Variants in COL11A1 observed in about 807,000 individuals in gnomAD.
COL11A1 encodes collagen alpha-1(XI) chain.
COL11A1 carries 74 observed loss-of-function variants against 265.2 expected under a neutral mutation model. The observed-to-expected ratio is 0.28, with a 90% CI of 0.23 to 0.34. COL11A1 has a LOEUF of 0.34. COL11A1 is among the 10% of genes least tolerant of loss of function. The probability of loss-of-function intolerance (pLI) is 1.00; values close to 1 mark genes in which losing one functional copy is unlikely to be tolerated. For missense variants in COL11A1, 2,165 were observed against 2,263.6 expected (o/e 0.96, Z 0.88); for synonymous variants, 816 against 727.6 (o/e 1.12, Z -1.96).
intron 4 of COL11A1, among the ~76,000 whole-genome samples, chr1:103,034,292 G>T (rs1319510878): frequency 6.6e-6 from 1 of 151,888 alleles, no homozygotes; most frequent in Non-Finnish European, 1.5e-5. Context: ...TATGTTTTCT[G>T]CCCTTACTTT....
chr1:102,884,504 G>C (rs895707629), intron 63 of COL11A1: 1 of 152,172 alleles, frequency 6.6e-6, no homozygotes, highest in African/African-American at 2.4e-5. Context: ...TTCTTTATAC[G>C]ATCTCAGGAG....
chr1:102,942,444 C>T (rs903893354), intron 42 of COL11A1, among the ~76,000 whole-genome samples: 1 of 152,150 alleles, frequency 6.6e-6, no homozygotes, highest in Non-Finnish European at 1.5e-5. Flanking sequence ...TATAATTCCT[C>T]AAGATGACAT....
chr1:103,073,892 C>CAATTATTGTAATATATTACA (rs1671771568), intron 4 of COL11A1, among the ~76,000 whole-genome samples: 1 of 152,028 alleles, frequency 6.6e-6, no homozygotes, highest in Non-Finnish European at 1.5e-5. Context: ...TAATATATTA[C>CAATTATTGTAATATATTACA]ACAGCTTTAC....
chr1:102,892,697 T>A (rs189271506), intron 57 of COL11A1, among the ~76,000 whole-genome samples: 1 of 152,302 alleles, frequency 6.6e-6, no homozygotes, highest in East Asian at 1.9e-4. Context: ...TAATATAAAT[T>A]AGCCCTTGTG....
chr1:102,886,377 A>C (rs1650979968), intron 63 of COL11A1, among the ~76,000 whole-genome samples: 1 of 152,208 alleles, frequency 6.6e-6, no homozygotes, highest in African/African-American at 2.4e-5. Flanking sequence ...AAACTGATAG[A>C]TCAAATATAC....
chr1:102,883,330 T>G lies in COL11A1; in HGVS notation c.4859-19A>C, dbSNP rs146179957. On this transcript the variant is annotated intron_variant, in intron 63 of 66. Coordinates refer to ENST00000370096, the MANE Select transcript of COL11A1 (RefSeq NM_001854.4). ...TATTCACCTAGAAGGTAGCAAAAAA[T>G]ATGTCATATAAAAATTCATTGACAT... 6.8e-7 allele frequency: 1 copy of G among 1,471,278 alleles called. No homozygotes were observed. The highest frequency in any genetic ancestry group is 1.1e-5 in the South Asian group (1 of 88,240). The allele number at this position is 1,471,278 out of a possible 1,614,324, so 91.1% of individuals were successfully genotyped here. A position where few individuals can be genotyped will look rare whatever the true frequency, so the allele number is the denominator to read the frequency against.
rs766178130 is a variant in COL11A1, at chr1:103,031,256, A to G, written c.652-12T>C. 4 of 1,600,870 alleles carry G rather than the reference A, an allele frequency of 2.5e-6. No individual in the cohort carries two copies. The highest frequency in any genetic ancestry group is 3.4e-6 in the Non-Finnish European group (4 of 1,178,044). On this transcript the variant is annotated splice_polypyrimidine_tract_variant and intron_variant, in intron 4 of 66. Transcript: ENST00000370096. ...TGCTGAATGTCCCCCTGGGAAAAAA[A>G]AAAAAACAAAAACAAACAGACACAG...
intron 50 of COL11A1, 75 bp downstream of exon 50, chr1:102,915,556 G>A: frequency 3.2e-6 from 4 of 1,255,978 alleles, no homozygotes; most frequent in Admixed American, 1.7e-5. Flanking sequence ...GCTAAGAGTT[G>A]TTACATGTTT....
intron 41 of COL11A1, among the ~76,000 whole-genome samples, chr1:102,953,080 A>G (rs1370283648): frequency 6.6e-6 from 1 of 152,186 alleles, no homozygotes; most frequent in African/African-American, 2.4e-5. Context: ...GTTTGCATAA[A>G]GAGTAGGCAT....
At chr1:103,089,159 A>C (rs1233497320) in intron 1 of COL11A1, among the ~76,000 whole-genome samples, 4 of 152,140 alleles carry the variant, frequency 2.6e-5, no homozygotes. Flanking sequence ...CCTGGAACCC[A>C]CCCCAGAACT....
chr1:103,074,877 A>G, intron 3 of COL11A1, 97 bp from the exon 4 acceptor site: 1 of 1,378,452 alleles, frequency 7.3e-7, no homozygotes, highest in East Asian at 2.4e-5. Context: ...AATTATAAAA[A>G]TGAGCTAAAA....
At chr1:102,961,743 G>A (rs1660926820) in intron 41 of COL11A1, 123 bp downstream of exon 41, 1 of 854,524 alleles carries the variant, frequency 1.2e-6, no homozygotes, top group East Asian at 2.6e-5. Flanking sequence ...GGCATTGACT[G>A]ATTTGATTGA....
At chr1:103,043,422 A>G (rs942917828) in intron 4 of COL11A1, among the ~76,000 whole-genome samples, 4 of 151,936 alleles carry the variant, frequency 2.6e-5, no homozygotes, top group Non-Finnish European at 5.9e-5. Context: ...ATTTTGTTCA[A>G]TTAAATTCAC....
intron 42 of COL11A1, among the ~76,000 whole-genome samples, chr1:102,942,443 T>C (rs2622865): frequency 0.56 from 84,597 of 151,924 alleles, 24,114 homozygotes; most frequent in East Asian, 0.86. Flanking sequence ...TTATAATTCC[T>C]CAAGATGACA....
intron 3 of COL11A1, 88 bp from the exon 4 acceptor site, chr1:103,074,868 A>C (rs1388003659): frequency 3.5e-6 from 5 of 1,443,508 alleles, no homozygotes; most frequent in Non-Finnish European, 4.8e-6. Context: ...TGTATTTTAA[A>C]TTATAAAAAT....
chr1:102,921,012 T>G (rs1655930307), intron 48 of COL11A1, among the ~76,000 whole-genome samples: 1 of 152,174 alleles, frequency 6.6e-6, no homozygotes, highest in Non-Finnish European at 1.5e-5. Flanking sequence ...TTTCAAAATC[T>G]TATAACATTA....
intron 4 of COL11A1, among the ~76,000 whole-genome samples, chr1:103,062,727 C>T (rs755778892): frequency 2.6e-5 from 4 of 151,908 alleles, no homozygotes; most frequent in Non-Finnish European, 4.4e-5. Context: ...TGCATTTCTA[C>T]ATCATACTGG....
At chr1:102,959,435 T>C (rs1307733026) in intron 41 of COL11A1, among the ~76,000 whole-genome samples, 2 of 150,946 alleles carry the variant, frequency 1.3e-5, no homozygotes, top group Non-Finnish European at 3.0e-5. Flanking sequence ...ATCTGCACTC[T>C]GTGAAGCCAA....
chr1:103,075,514 C>G (rs922687435), intron 3 of COL11A1, among the ~76,000 whole-genome samples: 3 of 152,088 alleles, frequency 2.0e-5, no homozygotes, highest in Non-Finnish European at 2.9e-5. Context: ...ACTGCTCCAG[C>G]TAATTTAGAG....
Sources: allele counts gnomAD v4.1 joint callset (sites outside exome capture counted in the v4.1 genomes callset), GRCh38; gene constraint gnomAD v4.1.1; transcripts MANE v1.5; gene names NCBI Gene and HGNC (gene_info 2026-07-23, HGNC 2026-07-21).